GATAD2B: variants seen among roughly 807,000 people sequenced by gnomAD.
GATAD2B encodes transcriptional repressor p66-beta.
In GATAD2B, 8 loss-of-function variants were observed where a neutral mutation model predicts 64.3. That is an observed-to-expected ratio of 0.12 (90% CI 0.07 to 0.22). GATAD2B has a LOEUF of 0.22. GATAD2B is among the 10% of genes least tolerant of loss of function. The pLI is 1.00. For missense variants in GATAD2B, 453 were observed against 752.0 expected (o/e 0.60, Z 4.65); for synonymous variants, 281 against 271.3 (o/e 1.04, Z -0.35).
intron 1 of GATAD2B, among the ~76,000 whole-genome samples, chr1:153,901,049 A>G (rs1272013498): frequency 6.6e-6 from 1 of 152,012 alleles, no homozygotes; most frequent in Non-Finnish European, 1.5e-5. Flanking sequence ...CCCCATCTCT[A>G]CTAAAAATAC....
rs1674475119 is a variant in GATAD2B at position 153,816,159 on chromosome 1, T to C, written c.1216+114A>G. ...TAAAGAAGGGAGGGAGGTGGTTTGG[T>C]AACAGGAAGGAGAAGTTATTTAATA... On this transcript the variant is annotated intron_variant, in intron 7 of 10. Coordinates refer to ENST00000368655, the MANE Select transcript of GATAD2B (RefSeq NM_020699.4). The surrounding 1 kb of genome is among the most constrained non-coding windows in gnomAD (Gnocchi z 4.9). The C allele has an allele frequency of 2.9e-6, 2 of 689,880 alleles. No homozygotes were observed. The highest frequency in any genetic ancestry group is 5.0e-6 in the Non-Finnish European group (2 of 399,448). 42.7% of individuals were successfully genotyped at this position (689,880 alleles called of 1,614,324 possible). A position where few individuals can be genotyped will look rare whatever the true frequency, so the allele number is the denominator to read the frequency against.
intron 1 of GATAD2B, among the ~76,000 whole-genome samples, chr1:153,905,655 G>C (rs972066641): frequency 1.3e-5 from 2 of 151,212 alleles, no homozygotes; most frequent in East Asian, 1.9e-4. Context: ...GTGGTAGCCC[G>C]GCATAGTGGC....
chr1:153,878,583 A>T (rs919020087), intron 1 of GATAD2B, among the ~76,000 whole-genome samples: 22 of 152,322 alleles, frequency 1.4e-4, no homozygotes, highest in African/African-American at 4.8e-4. Flanking sequence ...ACAAAAATAT[A>T]CAAGTTCCCA....
At chr1:153,810,884 C>T (rs1674269422) in intron 10 of GATAD2B, among the ~76,000 whole-genome samples, 2 of 152,150 alleles carry the variant, frequency 1.3e-5, no homozygotes, top group Admixed American at 1.3e-4. Flanking sequence ...CTGCCTCAGC[C>T]TCCCGAGTAG....
In GATAD2B at chr1:153,805,323, G is replaced by A. The variant is rs997744649; in HGVS notation, c.*4854C>T. 1 of 152,152 alleles carries A rather than the reference G, an allele frequency of 6.6e-6. No individual in the cohort carries two copies. Among genetic ancestry groups the A allele is most frequent in the Admixed American group, 6.5e-5 (1 of 15,268 alleles). The allele number at this position is 152,152 out of a possible 1,614,324, so 9.4% of individuals were successfully genotyped here. On this transcript the variant is annotated 3_prime_UTR_variant, in exon 11 of 11. Transcript: ENST00000368655. The stretch of plus-strand genomic sequence containing the variant: ...CTCTCCTATTTTATCACCAAGATGG[G>A]GGAAAAGTTACACATCCTGTAGCTC...
intron 1 of GATAD2B, among the ~76,000 whole-genome samples, chr1:153,833,666 TA>T (rs1337151628): frequency 1.3e-5 from 2 of 151,562 alleles, no homozygotes; most frequent in African/African-American, 4.8e-5. Context: ...AATACAAAAT[TA>T]GGCTTGGCAG....
intron 1 of GATAD2B, among the ~76,000 whole-genome samples, chr1:153,888,202 G>T (rs1237243599): frequency 6.6e-6 from 1 of 151,998 alleles, no homozygotes; most frequent in Non-Finnish European, 1.5e-5. Flanking sequence ...GATGTGTCTA[G>T]GCCAATCTCT....
chr1:153,917,838 G>C (rs1169661382), intron 1 of GATAD2B, among the ~76,000 whole-genome samples: 4 of 152,144 alleles, frequency 2.6e-5, no homozygotes, highest in Admixed American at 6.6e-5. Flanking sequence ...TATTATAAAA[G>C]TGTTAAGTCC....
intron 1 of GATAD2B, among the ~76,000 whole-genome samples, chr1:153,879,999 C>T (rs1321312702): frequency 6.6e-6 from 1 of 151,998 alleles, no homozygotes; most frequent in Non-Finnish European, 1.5e-5. Flanking sequence ...GGAAAGAATA[C>T]CGCATTTTGA....
chr1:153,853,722 A>G (rs999691746), intron 1 of GATAD2B, among the ~76,000 whole-genome samples: 2 of 152,026 alleles, frequency 1.3e-5, no homozygotes, highest in African/African-American at 4.8e-5. Context: ...TCTTCTTATG[A>G]GTTTTATAGT....
At chr1:153,839,134 A>G (rs942003422) in intron 1 of GATAD2B, among the ~76,000 whole-genome samples, 2 of 134,658 alleles carry the variant, frequency 1.5e-5, no homozygotes, top group Non-Finnish European at 3.3e-5. Context: ...AAAAAAAAAA[A>G]GAAAGTTTAA....
chr1:153,850,505 G>A (rs1675849226), intron 1 of GATAD2B, among the ~76,000 whole-genome samples: 2 of 152,074 alleles, frequency 1.3e-5, no homozygotes, highest in South Asian at 4.1e-4. Flanking sequence ...TCACTATGTT[G>A]GCGAGGGTGG....
At chr1:153,861,809 T>TAC (rs1553194168) in intron 1 of GATAD2B, among the ~76,000 whole-genome samples, 42 of 122,178 alleles carry the variant, frequency 3.4e-4, no homozygotes, top group South Asian at 2.4e-3. Context: ...TATATATATA[T>TAC]ACACATATGT....
intron 1 of GATAD2B, among the ~76,000 whole-genome samples, chr1:153,844,978 A>C (rs184555407): frequency 1.3e-3 from 204 of 152,320 alleles, no homozygotes; most frequent in Non-Finnish European, 2.4e-3. Flanking sequence ...GAGAAGAATA[A>C]TCAATCAGAA....
intron 1 of GATAD2B, among the ~76,000 whole-genome samples, chr1:153,900,582 C>A (rs1054779850): frequency 2.0e-5 from 3 of 152,120 alleles, no homozygotes; most frequent in African/African-American, 7.2e-5. Context: ...GTGGTGAGAT[C>A]ACAGCTCACT....
At chr1:153,882,747 CTA>C (rs1278364578) in intron 1 of GATAD2B, among the ~76,000 whole-genome samples, 4 of 151,074 alleles carry the variant, frequency 2.6e-5, no homozygotes, top group African/African-American at 9.9e-5. Flanking sequence ...ACACACATCC[CTA>C]TGTCATTCTA....
At chr1:153,862,725 CTTTT>C (rs747632481) in intron 1 of GATAD2B, among the ~76,000 whole-genome samples, 2 of 127,158 alleles carry the variant, frequency 1.6e-5, no homozygotes, top group Admixed American at 1.6e-4. Context: ...TACTTTATTT[CTTTT>C]TTTTTTTTTT....
intron 2 of GATAD2B, among the ~76,000 whole-genome samples, chr1:153,826,239 G>A (rs985440837): frequency 3.3e-5 from 5 of 151,722 alleles, no homozygotes; most frequent in East Asian, 2.0e-4. Context: ...TCCTGACCTC[G>A]TGATCCACCC....
At chr1:153,887,447 G>A (rs1677218866) in intron 1 of GATAD2B, among the ~76,000 whole-genome samples, 1 of 152,204 alleles carries the variant, frequency 6.6e-6, no homozygotes, top group African/African-American at 2.4e-5. Flanking sequence ...TTGGGAAGAT[G>A]TATTTATCAA....
Sources: allele counts gnomAD v4.1 joint callset (sites outside exome capture counted in the v4.1 genomes callset), GRCh38; gene constraint gnomAD v4.1.1; non-coding constraint Gnocchi (gnomAD v3.1); transcripts MANE v1.5; gene names NCBI Gene and HGNC (gene_info 2026-07-23, HGNC 2026-07-21).